AGPAT3: variants seen among roughly 807,000 people sequenced by gnomAD.
AGPAT3 encodes the protein 1-acylglycerol-3-phosphate O-acyltransferase 3.
In AGPAT3, 5 loss-of-function variants were observed where a neutral mutation model predicts 47.3. That is an observed-to-expected ratio of 0.11 (90% CI 0.06 to 0.22). The LOEUF is 0.22. Among genes scored for constraint, AGPAT3 ranks in the 10% least tolerant of loss-of-function variants. The pLI, the probability that AGPAT3 is intolerant of heterozygous loss-of-function variation, is 1.00. For synonymous variants in AGPAT3, 212 were observed against 208.3 expected (o/e 1.02, Z -0.15); for missense variants, 315 against 493.0 (o/e 0.64, Z 3.42).
chr21:43,976,258 G>T (rs1213534274), intron 7 of AGPAT3, among the ~76,000 whole-genome samples: 1 of 151,080 alleles, frequency 6.6e-6, no homozygotes, highest in Non-Finnish European at 1.5e-5. Flanking sequence ...GTAGAGATGG[G>T]GTTTCACCAT....
intron 2 of AGPAT3, among the ~76,000 whole-genome samples, chr21:43,946,114 A>G (rs1160360443): frequency 1.3e-5 from 2 of 152,220 alleles, no homozygotes; most frequent in Non-Finnish European, 2.9e-5. Context: ...ATTCCCCTGC[A>G]GGCCCTGTCT....
intron 7 of AGPAT3, among the ~76,000 whole-genome samples, chr21:43,977,457 T>G (rs2089659168): frequency 6.6e-6 from 1 of 152,184 alleles, no homozygotes; most frequent in Admixed American, 6.5e-5. Flanking sequence ...GTGGGCACCC[T>G]GGGGGTTAAT....
Position 43,984,740 on chromosome 21 carries a change from A to G in AGPAT3, c.*2348A>G. 6.5e-6 allele frequency: 1 copy of G among 154,956 alleles called. No individual in the cohort carries two copies. Among genetic ancestry groups the G allele is most frequent in the Non-Finnish European group, 1.4e-5 (1 of 69,690 alleles). The allele number at this position is 154,956 out of a possible 1,614,324, so 9.6% of individuals were successfully genotyped here. On this transcript the variant is annotated 3_prime_UTR_variant, in exon 10 of 10. Transcript: ENST00000291572. Reference sequence around the variant, plus strand: ...GCTTTTCATCCAGAAGGAAAAGGGGAGGAGAGCTCCTTTACATTTTTTAAA... The same window carrying G: ...GCTTTTCATCCAGAAGGAAAAGGGGGGGAGAGCTCCTTTACATTTTTTAAA...
rs914051092 is a variant in AGPAT3 at position 43,973,943 on chromosome 21, G to GA, written c.767+2461dup. Among the ~76,000 whole-genome samples, 14 of 151,892 alleles carry GA rather than the reference G, an allele frequency of 9.2e-5. 1 individual carries two copies. The highest frequency in any genetic ancestry group is 2.1e-4 in the South Asian group (1 of 4,816). ...GCTCAGGGTGACACCCTGGGGTGCA[G>GA]AAAAAAAATAGAATTTTTATTTATA... On this transcript the variant is annotated intron_variant, in intron 7 of 9. Transcript: ENST00000291572.
At position 43,971,369 on chromosome 21, in the gene AGPAT3, C is replaced by G; in HGVS notation, c.665-19C>G. On this transcript the variant is annotated intron_variant, in intron 6 of 9. Transcript: ENST00000291572. ...AGCCGCCTGGGCTGGGTCATTCACC[C>G]TCCCGTCTCCTCCCACAGTCGCAGC... The G allele has an allele frequency of 6.2e-7, 1 of 1,611,300 alleles. No homozygotes were observed. The highest frequency in any genetic ancestry group is 8.5e-7 in the Non-Finnish European group (1 of 1,177,434).
At chr21:43,944,317 C>A (rs1053287478) in intron 2 of AGPAT3, among the ~76,000 whole-genome samples, 2 of 152,216 alleles carry the variant, frequency 1.3e-5, no homozygotes, top group African/African-American at 4.8e-5. Flanking sequence ...TGCGGCTGGG[C>A]AGGGGCCACA....
intron 2 of AGPAT3, among the ~76,000 whole-genome samples, chr21:43,917,866 AGTGTTGTGG>A (rs1423385200): frequency 5.9e-5 from 2 of 33,924 alleles, no homozygotes; most frequent in Non-Finnish European, 1.1e-4. Flanking sequence ...AGGAGTTGTG[AGTGTTGTGG>A]GGGTTGTGGG....
chr21:43,882,731 G>A (rs2838426), intron 1 of AGPAT3: 16,994 of 152,348 alleles, frequency 0.11, 1,922 homozygotes, highest in African/African-American at 0.29. Flanking sequence ...GTCACATCCC[G>A]TGAGACTCAA....
rs1350734038 is a variant in AGPAT3 at position 43,952,021 on chromosome 21, C to T, written c.-48-7613C>T. On this transcript the variant is annotated intron_variant, in intron 2 of 9. Transcript: ENST00000291572. The surrounding 1 kb of genome is among the most constrained non-coding windows in gnomAD (Gnocchi z 5.6). ...GACCAGCGACGGGGAGGAGGGTCCA[C>T]ATGCTGCAGCGAAGGACCTGGGGCA... is the stretch of plus-strand genomic sequence containing the variant. 1.3e-5 allele frequency among the ~76,000 whole-genome samples: 2 copies of T among 152,048 alleles called. No homozygotes were observed. The highest frequency in any genetic ancestry group is 1.5e-5 in the Non-Finnish European group (1 of 68,014).
At chr21:43,900,898 C>G (rs934413004) in intron 1 of AGPAT3, among the ~76,000 whole-genome samples, 1 of 152,194 alleles carries the variant, frequency 6.6e-6, no homozygotes, top group South Asian at 2.1e-4. Flanking sequence ...AGGACAGCAG[C>G]AAACCCAGCG....
chr21:43,928,885 G>A (rs1246424613), intron 2 of AGPAT3, among the ~76,000 whole-genome samples: 4 of 152,254 alleles, frequency 2.6e-5, no homozygotes, highest in East Asian at 1.9e-4. Context: ...TTTGCCCTAC[G>A]GAGTTTGTGC....
intron 2 of AGPAT3, among the ~76,000 whole-genome samples, chr21:43,907,887 C>T (rs985121700): frequency 6.6e-6 from 1 of 152,224 alleles, no homozygotes; most frequent in Non-Finnish European, 1.5e-5. Context: ...GTTAAAGCCA[C>T]ACGTTTGTCG....
chr21:43,891,060 G>A (rs1273905460), intron 1 of AGPAT3, among the ~76,000 whole-genome samples: 1 of 152,224 alleles, frequency 6.6e-6, no homozygotes, highest in Middle Eastern at 3.2e-3. Context: ...GTTAATAGCA[G>A]TGTGAGAACA....
intron 1 of AGPAT3, among the ~76,000 whole-genome samples, chr21:43,881,008 G>A (rs1249030601): frequency 2.6e-5 from 4 of 152,120 alleles, no homozygotes; most frequent in Non-Finnish European, 5.9e-5. Flanking sequence ...GAGAACAAAT[G>A]TAAGAACTTT....
At chr21:43,977,516 T>C (rs555463143) in intron 7 of AGPAT3, among the ~76,000 whole-genome samples, 36 of 152,250 alleles carry the variant, frequency 2.4e-4, no homozygotes, top group African/African-American at 6.3e-4. Context: ...CTCGCCGCCA[T>C]GCCACGCTGA....
chr21:43,884,022 G>A (rs1204610166), intron 1 of AGPAT3, among the ~76,000 whole-genome samples: 6 of 152,258 alleles, frequency 3.9e-5, no homozygotes, highest in African/African-American at 1.4e-4. Context: ...GAGCCACCAC[G>A]CCTGGCCAGT....
chr21:43,942,806 G>A (rs966436436), intron 2 of AGPAT3, among the ~76,000 whole-genome samples: 3 of 152,196 alleles, frequency 2.0e-5, no homozygotes, highest in South Asian at 2.1e-4. Context: ...CTCACTTGGC[G>A]GGAGGAGGGT....
intron 2 of AGPAT3, among the ~76,000 whole-genome samples, chr21:43,931,299 G>A (rs1158425644): frequency 1.3e-5 from 2 of 152,206 alleles, no homozygotes; most frequent in Non-Finnish European, 2.9e-5. Context: ...TCGGTCACTG[G>A]CATGAGAAAG....
chr21:43,968,249 G>A, intron 4 of AGPAT3, 134 bp downstream of exon 4: 1 of 974,750 alleles, frequency 1.0e-6, no homozygotes, highest in South Asian at 1.6e-5. Flanking sequence ...GTGACTGGGA[G>A]TGAGCTGGGC....
Sources: allele counts gnomAD v4.1 joint callset (sites outside exome capture counted in the v4.1 genomes callset), GRCh38; gene constraint gnomAD v4.1.1; non-coding constraint Gnocchi (gnomAD v3.1); transcripts MANE v1.5; gene names NCBI Gene and HGNC (gene_info 2026-07-23, HGNC 2026-07-21).